BCL2: variants seen among roughly 807,000 people sequenced by gnomAD.
The protein encoded by BCL2 is apoptosis regulator Bcl-2.
In BCL2, 1 loss-of-function variant was observed where a neutral mutation model predicts 14.2. That is an observed-to-expected ratio of 0.07 (90% CI 0.02 to 0.33). The LOEUF is 0.33. BCL2 is among the 10% of genes least tolerant of loss of function. The probability of loss-of-function intolerance (pLI) is 0.99; values close to 1 mark genes in which losing one functional copy is unlikely to be tolerated. For synonymous variants in BCL2, 151 were observed against 137.2 expected (o/e 1.10, Z -0.70); for missense variants, 247 against 305.9 (o/e 0.81, Z 1.44).
At chr18:63,234,481 A>G (rs1019160549) in intron 2 of BCL2, among the ~76,000 whole-genome samples, 3 of 112,272 alleles carry the variant, frequency 2.7e-5, no homozygotes, top group Non-Finnish European at 7.1e-5. Context: ...TCCTTTATCT[A>G]GTCTATCACC....
At chr18:63,301,692 C>G (rs1018094839) in intron 2 of BCL2, among the ~76,000 whole-genome samples, 4 of 152,204 alleles carry the variant, frequency 2.6e-5, no homozygotes, top group Non-Finnish European at 5.9e-5. Flanking sequence ...AACAGGCACT[C>G]CGAGCTTCTT....
chr18:63,209,922 G>C (rs547515564), intron 2 of BCL2, among the ~76,000 whole-genome samples: 2 of 152,280 alleles, frequency 1.3e-5, no homozygotes, highest in East Asian at 3.9e-4. Flanking sequence ...ACTGCTACAG[G>C]AAAGTAAAAT....
chr18:63,271,258 T>TA (rs1911995472), intron 2 of BCL2, among the ~76,000 whole-genome samples: 1 of 152,202 alleles, frequency 6.6e-6, no homozygotes, highest in Admixed American at 6.5e-5. Flanking sequence ...GGAATTCTTA[T>TA]AAAATAATAA....
chr18:63,212,637 G>A (rs1285015262), intron 2 of BCL2, among the ~76,000 whole-genome samples: 1 of 152,058 alleles, frequency 6.6e-6, no homozygotes, highest in African/African-American at 2.4e-5. Flanking sequence ...AGCACTTTGG[G>A]AGATCCAGGC....
chr18:63,272,680 AGACT>A (rs1018483143), intron 2 of BCL2, among the ~76,000 whole-genome samples: 1 of 152,234 alleles, frequency 6.6e-6, no homozygotes, highest in Non-Finnish European at 1.5e-5. Context: ...GTTCAGACTT[AGACT>A]GACACTTTAA....
At chr18:63,137,135 C>T (rs1241521701) in intron 2 of BCL2, among the ~76,000 whole-genome samples, 1 of 152,214 alleles carries the variant, frequency 6.6e-6, no homozygotes, top group African/African-American at 2.4e-5. Context: ...CTAAGGTTCC[C>T]AATGCTCTGG....
At chr18:63,257,223 C>T (rs1463264403) in intron 2 of BCL2, among the ~76,000 whole-genome samples, 2 of 152,154 alleles carry the variant, frequency 1.3e-5, no homozygotes, top group African/African-American at 2.4e-5. Context: ...TTACCTGTTG[C>T]TAAAAACTCA....
chr18:63,139,810 G>A (rs931950444), intron 2 of BCL2, among the ~76,000 whole-genome samples: 5 of 152,146 alleles, frequency 3.3e-5, no homozygotes, highest in African/African-American at 1.2e-4. Flanking sequence ...GTGGTGCTCA[G>A]CCCTCTCTTG....
chr18:63,142,616 G>A (rs763728330), intron 2 of BCL2, among the ~76,000 whole-genome samples: 51 of 152,192 alleles, frequency 3.4e-4, no homozygotes, highest in Non-Finnish European at 5.6e-4. Flanking sequence ...TTCTGTGACC[G>A]TCAAAGTGAC....
At chr18:63,206,650 G>C (rs1909844832) in intron 2 of BCL2, among the ~76,000 whole-genome samples, 1 of 152,208 alleles carries the variant, frequency 6.6e-6, no homozygotes, top group African/African-American at 2.4e-5. Context: ...GATGCCTCTA[G>C]TAAGTGCCAG....
intron 2 of BCL2, among the ~76,000 whole-genome samples, chr18:63,205,092 T>A (rs557707767): frequency 6.6e-6 from 1 of 152,240 alleles, no homozygotes; most frequent in South Asian, 2.1e-4. Flanking sequence ...CTAATACCTA[T>A]GCAAATAAGT....
At chr18:63,200,014 A>C (rs1432054083) in intron 2 of BCL2, among the ~76,000 whole-genome samples, 1 of 152,176 alleles carries the variant, frequency 6.6e-6, no homozygotes, top group Admixed American at 6.5e-5. Context: ...TTCAAGGCTC[A>C]GCTCGTAACC....
chr18:63,127,036 T>A lies in BCL2; in HGVS notation c.*1589A>T, dbSNP rs1280930023. 2.2e-5 allele frequency: 4 copies of A among 179,570 alleles called. No homozygotes were observed. In the East Asian group the frequency reaches 2.5e-4, roughly 11 times the overall value. The allele number at this position is 179,570 out of a possible 1,614,324, so 11.1% of individuals were successfully genotyped here. ...TTCTTTATAGTTCCCCACCATTGAT[T>A]TTTTTTTTAATGCCCCAGGATGTAC... is the stretch of plus-strand genomic sequence containing the variant. On this transcript the variant is annotated 3_prime_UTR_variant, in exon 3 of 3. Transcript: ENST00000333681.
At chr18:63,311,241 G>C (rs1012450420) in intron 2 of BCL2, among the ~76,000 whole-genome samples, 1 of 152,146 alleles carries the variant, frequency 6.6e-6, no homozygotes, top group African/African-American at 2.4e-5. Flanking sequence ...AGTTAATATA[G>C]AGATATAGCA....
intron 2 of BCL2, among the ~76,000 whole-genome samples, chr18:63,309,820 A>G (rs1252910971): frequency 6.6e-6 from 1 of 152,178 alleles, no homozygotes; most frequent in East Asian, 1.9e-4. Context: ...TAGTACTTGC[A>G]TATGCACATC....
At chr18:63,226,400 C>A (rs1034021408) in intron 2 of BCL2, among the ~76,000 whole-genome samples, 2 of 152,030 alleles carry the variant, frequency 1.3e-5, no homozygotes, top group African/African-American at 4.8e-5. Flanking sequence ...TGGGACCCAC[C>A]CTCTTCTGCC....
At chr18:63,259,797 T>C (rs1911602298) in intron 2 of BCL2, among the ~76,000 whole-genome samples, 1 of 152,262 alleles carries the variant, frequency 6.6e-6, no homozygotes, top group Admixed American at 6.5e-5. Flanking sequence ...ATACTCGCTG[T>C]ATGTGGGAAT....
At chr18:63,216,242 G>GT (rs1227616035) in intron 2 of BCL2, among the ~76,000 whole-genome samples, 1 of 152,036 alleles carries the variant, frequency 6.6e-6, no homozygotes, top group African/African-American at 2.4e-5. Context: ...AAATAACACA[G>GT]TGGAAGTGGA....
chr18:63,306,089 TAAAC>T lies in BCL2; in HGVS notation c.585+11989_585+11992del, dbSNP rs552586481. The stretch of plus-strand genomic sequence containing the variant: ...GACCTTATCTCCAAAAACAAACAAA[TAAAC>T]AAACAAACAAAAAACACAAAAAAGC... On this transcript the variant is annotated intron_variant, in intron 2 of 2. Coordinates refer to ENST00000333681, the MANE Select transcript of BCL2 (RefSeq NM_000633.3). Among the ~76,000 whole-genome samples the T allele has an allele frequency of 3.6e-3, 546 of 151,814 alleles. 3 individuals are homozygous for T. Among genetic ancestry groups the T allele is most frequent in the African/African-American group, 0.012 (516 of 41,392 alleles).
Sources: allele counts gnomAD v4.1 joint callset (sites outside exome capture counted in the v4.1 genomes callset), GRCh38; gene constraint gnomAD v4.1.1; transcripts MANE v1.5; gene names NCBI Gene and HGNC (gene_info 2026-07-23, HGNC 2026-07-21).